Variants in PLCB4 observed in about 807,000 individuals in gnomAD.
PLCB4 encodes the protein 1-phosphatidylinositol 4,5-bisphosphate phosphodiesterase beta-4.
Under a neutral mutation model 178.8 loss-of-function variants are expected in PLCB4, and 77 were observed. The observed-to-expected ratio is 0.43, with a 90% CI of 0.36 to 0.52. PLCB4 has a LOEUF of 0.52. Ranked by LOEUF, PLCB4 falls within the 20% of genes least tolerant of loss-of-function variation. The probability of loss-of-function intolerance (pLI) is 0.00; values close to 1 mark genes in which losing one functional copy is unlikely to be tolerated. For synonymous variants in PLCB4, 496 were observed against 490.8 expected (o/e 1.01, Z -0.14); for missense variants, 1,024 against 1,453.4 (o/e 0.70, Z 4.80).
At chr20:9,191,706 T>G (rs2093406672) in intron 2 of PLCB4, among the ~76,000 whole-genome samples, 1 of 152,170 alleles carries the variant, frequency 6.6e-6, no homozygotes, top group East Asian at 1.9e-4. Context: ...CCCGAGTCCC[T>G]CTGCTAGGGA....
intron 36 of PLCB4, among the ~76,000 whole-genome samples, chr20:9,471,763 G>A (rs2044207798): frequency 6.6e-6 from 1 of 152,138 alleles, no homozygotes; most frequent in Non-Finnish European, 1.5e-5. Context: ...GCAAAGATAT[G>A]GGGAAAGGGT....
At chr20:9,411,124 T>C (rs751274964) in intron 25 of PLCB4, 36 bp downstream of exon 25, 11 of 1,399,222 alleles carry the variant, frequency 7.9e-6, no homozygotes, top group Non-Finnish European at 1.0e-5. Context: ...TCACCTAGAT[T>C]GAGAACTCCA....
At chr20:9,282,461 C>T (rs905666628) in intron 3 of PLCB4, among the ~76,000 whole-genome samples, 1 of 151,880 alleles carries the variant, frequency 6.6e-6, no homozygotes, top group African/African-American at 2.4e-5. Flanking sequence ...ATACTCACAC[C>T]CTGGACTGCT....
At chr20:9,416,712 A>C (rs2040274046) in intron 25 of PLCB4, among the ~76,000 whole-genome samples, 1 of 152,120 alleles carries the variant, frequency 6.6e-6, no homozygotes. Flanking sequence ...CTATATAGAG[A>C]GCTTTTATAT....
intron 2 of PLCB4, chr20:9,166,484 G>C (rs577917485): frequency 1.3e-5 from 2 of 152,148 alleles, no homozygotes; most frequent in Non-Finnish European, 2.9e-5. Flanking sequence ...ACTTTGTAGC[G>C]GAGGGGTGGG....
chr20:9,166,624 C>T (rs2092977264), intron 2 of PLCB4: 1 of 152,256 alleles, frequency 6.6e-6, no homozygotes, highest in South Asian at 2.1e-4. Flanking sequence ...AAGTTCTCCA[C>T]CTGCCTCAGG....
chr20:9,476,880 G>C (rs922704772), intron 39 of PLCB4, 127 bp downstream of exon 39: 5 of 640,966 alleles, frequency 7.8e-6, no homozygotes, highest in Non-Finnish European at 1.4e-5. Context: ...GGATTTAAAA[G>C]CTTGACTATT....
At chr20:9,438,842 T>A (rs909461863) in intron 30 of PLCB4, among the ~76,000 whole-genome samples, 19 of 152,190 alleles carry the variant, frequency 1.2e-4, no homozygotes, top group Non-Finnish European at 2.6e-4. Flanking sequence ...GAGACATAAT[T>A]TAAGACATAA....
At chr20:9,259,748 C>T (rs1185895911) in intron 3 of PLCB4, among the ~76,000 whole-genome samples, 1 of 151,852 alleles carries the variant, frequency 6.6e-6, no homozygotes, top group Non-Finnish European at 1.5e-5. Flanking sequence ...GCAGCTAGTC[C>T]AAATTGAGAT....
intron 1 of PLCB4, among the ~76,000 whole-genome samples, chr20:9,082,276 CAG>C (rs2090190338): frequency 6.6e-6 from 1 of 152,080 alleles, no homozygotes; most frequent in Non-Finnish European, 1.5e-5. Flanking sequence ...CAGTGCCAAA[CAG>C]AGAAAGCAAG....
intron 7 of PLCB4, among the ~76,000 whole-genome samples, chr20:9,343,597 C>T (rs2033473170): frequency 1.3e-5 from 2 of 152,124 alleles, no homozygotes; most frequent in African/African-American, 4.8e-5. Flanking sequence ...TGGTAGCTCA[C>T]CTTGTCTTTT....
intron 3 of PLCB4, among the ~76,000 whole-genome samples, chr20:9,298,071 A>G (rs2094659654): frequency 6.6e-6 from 1 of 152,074 alleles, no homozygotes; most frequent in Non-Finnish European, 1.5e-5. Flanking sequence ...TGGAAGGTCA[A>G]TCTCTGACCT....
intron 2 of PLCB4, among the ~76,000 whole-genome samples, chr20:9,209,496 A>C (rs1051557357): frequency 6.6e-6 from 1 of 152,202 alleles, no homozygotes; most frequent in African/African-American, 2.4e-5. Context: ...TTAAGAATAA[A>C]AGTTTGTCCT....
At chr20:9,447,556 G>T (rs564911259) in intron 32 of PLCB4, among the ~76,000 whole-genome samples, 1 of 152,208 alleles carries the variant, frequency 6.6e-6, no homozygotes, top group Non-Finnish European at 1.5e-5. Flanking sequence ...GGCCAAAGTA[G>T]GTCCTAAGTC....
chr20:9,245,806 G>T (rs375187852), intron 3 of PLCB4, among the ~76,000 whole-genome samples: 79 of 151,056 alleles, frequency 5.2e-4, no homozygotes, highest in African/African-American at 1.8e-3. Context: ...GCTAATTTTT[G>T]TATTTTTAGT....
intron 35 of PLCB4, among the ~76,000 whole-genome samples, chr20:9,462,081 T>G (rs1364539700): frequency 2.0e-5 from 3 of 152,072 alleles, no homozygotes; most frequent in Non-Finnish European, 2.9e-5. Context: ...GCAGCAATAT[T>G]TGCTGTTCTG....
At chr20:9,438,873 G>C (rs1399515591) in intron 30 of PLCB4, among the ~76,000 whole-genome samples, 2 of 152,194 alleles carry the variant, frequency 1.3e-5, no homozygotes, top group Non-Finnish European at 2.9e-5. Context: ...CTGGAGGACA[G>C]TAGCATGTTG....
intron 2 of PLCB4, among the ~76,000 whole-genome samples, chr20:9,164,519 T>A (rs1015867698): frequency 6.6e-6 from 1 of 152,204 alleles, no homozygotes; most frequent in African/African-American, 2.4e-5. Context: ...GTTATGATTC[T>A]GTTGACTGAT....
intron 4 of PLCB4, among the ~76,000 whole-genome samples, chr20:9,314,845 T>C (rs1451260208): frequency 6.6e-6 from 1 of 151,714 alleles, no homozygotes; most frequent in Non-Finnish European, 1.5e-5. Flanking sequence ...CTTATGTGGG[T>C]GATACTGCAT....
Sources: gnomAD v4.1 joint callset for allele counts (sites outside exome capture counted in the v4.1 genomes callset) on GRCh38, gnomAD v4.1.1 for gene constraint, MANE v1.5 for transcripts, NCBI Gene and HGNC (gene_info 2026-07-23, HGNC 2026-07-21) for gene names.